Variants in IMPG1 observed in about 807,000 individuals in gnomAD.
IMPG1 encodes the protein interphotoreceptor matrix proteoglycan of 150 kDa.
Under a neutral mutation model 92.0 loss-of-function variants are expected in IMPG1, and 85 were observed. The observed-to-expected ratio is 0.92, with a 90% CI of 0.78 to 1.11. The LOEUF is 1.11. IMPG1 is among the 50% of genes least tolerant of loss of function. The pLI is 0.00. For synonymous variants in IMPG1, 367 were observed against 334.1 expected (o/e 1.10, Z -1.08); for missense variants, 1,022 against 956.0 (o/e 1.07, Z -0.91).
chr6:76,005,266 A>T, intron 10 of IMPG1, 21 bp downstream of exon 10: 1 of 1,611,478 alleles, frequency 6.2e-7, no homozygotes, highest in Non-Finnish European at 8.5e-7. Context: ...TAAACTCAGA[A>T]CTAAGCAATC....
intron 1 of IMPG1, among the ~76,000 whole-genome samples, chr6:76,048,904 T>C (rs1197151407): frequency 2.6e-5 from 4 of 152,232 alleles, no homozygotes; most frequent in African/African-American, 4.8e-5. Context: ...CATGCGTATG[T>C]TCACTGTAGT....
chr6:76,021,377 C>T (rs1042983693), intron 6 of IMPG1, among the ~76,000 whole-genome samples: 3 of 152,196 alleles, frequency 2.0e-5, no homozygotes, highest in African/African-American at 7.2e-5. Flanking sequence ...ACCTTGGACA[C>T]ATGCTCTCAG....
chr6:76,021,340 C>T (rs757016788), intron 6 of IMPG1, among the ~76,000 whole-genome samples: 4 of 152,138 alleles, frequency 2.6e-5, no homozygotes, highest in Admixed American at 6.5e-5. Context: ...CTCCCTAAAA[C>T]GTATGAAACC....
Position 76,034,323 on chromosome 6 carries a change from G to T in IMPG1, c.489C>A (p.Phe163Leu). 6.2e-7 allele frequency: 1 copy of T among 1,613,334 alleles called. No individual in the cohort carries two copies. The highest frequency in any genetic ancestry group is 8.5e-7 in the Non-Finnish European group (1 of 1,179,378). ...LLQQRIKQRS[F>L]PDRKDEISAE... Reference sequence around the variant, plus strand: ...CTATTTTGGGTACTTGCCTGTCAGGGAAACTTCTCTGTTTTATTCTCTGCA... The same window carrying T: ...CTATTTTGGGTACTTGCCTGTCAGGTAAACTTCTCTGTTTTATTCTCTGCA... The change falls in exon 4 of 17, where the codon TTC (phenylalanine) becomes TTA (leucine). Residue 163 changes from phenylalanine (F) to leucine (L), a missense_variant. Physicochemically the swap from Phe to Leu is conservative, Grantham distance 22. This residue lies in a region of IMPG1 where 681 missense variants were observed against 583.6 expected (regional missense o/e 1.17). Coordinates refer to ENST00000369950, the MANE Select transcript of IMPG1 (RefSeq NM_001563.4).
chr6:76,027,405 A>T (rs1462184182), intron 4 of IMPG1, among the ~76,000 whole-genome samples: 3 of 152,248 alleles, frequency 2.0e-5, no homozygotes, highest in Non-Finnish European at 4.4e-5. Context: ...GTTTTACCTT[A>T]AAGTTAAAAA....
intron 12 of IMPG1, among the ~76,000 whole-genome samples, chr6:75,993,868 T>G (rs1782855705): frequency 6.6e-6 from 1 of 152,192 alleles, no homozygotes; most frequent in African/African-American, 2.4e-5. Context: ...GATCAGAGAA[T>G]AGCGCTCAAT....
intron 12 of IMPG1, among the ~76,000 whole-genome samples, chr6:75,976,201 AGT>A (rs1782529562): frequency 6.6e-6 from 1 of 152,234 alleles, no homozygotes; most frequent in African/African-American, 2.4e-5. Context: ...ACCCCTTAAA[AGT>A]TATTTCTTAA....
intron 7 of IMPG1, among the ~76,000 whole-genome samples, chr6:76,017,994 C>T (rs1783322793): frequency 6.6e-6 from 1 of 152,210 alleles, no homozygotes; most frequent in African/African-American, 2.4e-5. Context: ...CCACCCGCCT[C>T]AGCCTCCCAA....
chr6:75,996,827 C>T (rs1226507662), intron 12 of IMPG1, among the ~76,000 whole-genome samples: 2 of 152,192 alleles, frequency 1.3e-5, no homozygotes, highest in Non-Finnish European at 2.9e-5. Flanking sequence ...GAAATATCAT[C>T]TCTGAATGGT....
intron 1 of IMPG1, among the ~76,000 whole-genome samples, chr6:76,069,541 A>G (rs1454204582): frequency 7.2e-5 from 11 of 152,064 alleles, no homozygotes; most frequent in Admixed American, 7.2e-4. Flanking sequence ...ATACTAAATA[A>G]CTTCCTCAAG....
At chr6:75,968,860 C>A (rs182463901) in intron 12 of IMPG1, among the ~76,000 whole-genome samples, 1 of 152,254 alleles carries the variant, frequency 6.6e-6, no homozygotes, top group Non-Finnish European at 1.5e-5. Context: ...GACTTTCCAG[C>A]CTCCAGAACT....
At position 76,072,373 on chromosome 6, in the gene IMPG1, G is replaced by A. The variant is rs370152489; in HGVS notation, c.67+49C>T. ...TGGTTCTAAATATTCACTTCTATCG[G>A]TAGATTTTATAGATAAGCAATTTAA... On this transcript the variant is annotated intron_variant, in intron 1 of 16. Transcript: ENST00000369950. The A allele has an allele frequency of 3.6e-5, 37 of 1,017,534 alleles. No homozygotes were observed. In the African/African-American group the frequency reaches 6.0e-4, roughly 16 times the overall value. The allele number at this position is 1,017,534 out of a possible 1,614,324, so 63.0% of individuals were successfully genotyped here. A position where few individuals can be genotyped will look rare whatever the true frequency, so the allele number is the denominator to read the frequency against.
At chr6:75,958,487 C>A (rs1245672112) in intron 12 of IMPG1, among the ~76,000 whole-genome samples, 1 of 152,170 alleles carries the variant, frequency 6.6e-6, no homozygotes, top group African/African-American at 2.4e-5. Context: ...CATTTTCCAA[C>A]TTGGTTCCAT....
Position 76,071,874 on chromosome 6 carries a change from C to T in IMPG1, c.67+548G>A, listed in dbSNP as rs564132525. The stretch of plus-strand genomic sequence containing the variant: ...GATGCAGATTTGCCATAAGAACATA[C>T]ATTGCCTAGTTCTTTTATGCGTACA... On this transcript the variant is annotated intron_variant, in intron 1 of 16. Coordinates refer to ENST00000369950, the MANE Select transcript of IMPG1 (RefSeq NM_001563.4). Among the ~76,000 whole-genome samples the T allele has an allele frequency of 6.6e-5, 10 of 152,112 alleles. No homozygotes were observed. In the South Asian group the frequency reaches 2.1e-3, roughly 32 times the overall value.
intron 12 of IMPG1, among the ~76,000 whole-genome samples, chr6:75,952,016 T>C: frequency 6.6e-6 from 1 of 152,164 alleles, no homozygotes; most frequent in Non-Finnish European, 1.5e-5. Flanking sequence ...CTCTGACAAT[T>C]TCTACCACCA....
intron 1 of IMPG1, among the ~76,000 whole-genome samples, chr6:76,070,002 A>G (rs575735419): frequency 6.6e-6 from 1 of 152,298 alleles, no homozygotes; most frequent in East Asian, 1.9e-4. Context: ...CAAGAAGGAG[A>G]CAAGGGTTGA....
chr6:75,994,274 TC>T (rs1226702023), intron 12 of IMPG1, among the ~76,000 whole-genome samples: 1 of 152,210 alleles, frequency 6.6e-6, no homozygotes, highest in Non-Finnish European at 1.5e-5. Flanking sequence ...TGCCTCTAGC[TC>T]AATAGATTTA....
chr6:75,946,133 T>A (rs148757986), intron 14 of IMPG1, among the ~76,000 whole-genome samples: 9 of 152,368 alleles, frequency 5.9e-5, no homozygotes, highest in African/African-American at 2.2e-4. Context: ...AGTGTCTTAC[T>A]GGCATTTAGG....
Position 75,994,566 on chromosome 6 carries a change from G to A in IMPG1, c.1291+8352C>T, listed in dbSNP as rs368040364. Among the ~76,000 whole-genome samples, 135 of 152,360 alleles carry A rather than the reference G, an allele frequency of 8.9e-4. 1 individual carries two copies. The highest frequency in any genetic ancestry group is 3.0e-3 in the African/African-American group (126 of 41,590). ...CATGGCAGAAGGCAAGGAGGAGCAT[G>A]TCACGTCTTACATGGATGACAGCAG... is the stretch of plus-strand genomic sequence containing the variant. On this transcript the variant is annotated intron_variant, in intron 12 of 16. Coordinates refer to ENST00000369950, the MANE Select transcript of IMPG1 (RefSeq NM_001563.4).
Sources: allele counts gnomAD v4.1 joint callset (sites outside exome capture counted in the v4.1 genomes callset), GRCh38; gene constraint gnomAD v4.1.1; regional missense constraint gnomAD v4.1.1; transcripts MANE v1.5; gene names NCBI Gene and HGNC (gene_info 2026-07-23, HGNC 2026-07-21).